Variants in ADAMTS19 observed in about 807,000 individuals in gnomAD.
ADAMTS19 encodes the protein A disintegrin and metalloproteinase with thrombospondin motifs 19.
A neutral mutation model predicts 153.3 loss-of-function variants in ADAMTS19; 93 were observed. The observed-to-expected ratio is 0.61, with a 90% confidence interval of 0.51 to 0.72. The LOEUF (loss-of-function observed/expected upper bound fraction) is 0.72, where lower values mean the gene tolerates loss of function less well. Among genes scored for constraint, ADAMTS19 ranks in the 30% least tolerant of loss-of-function variants. The pLI is 0.00. For missense variants in ADAMTS19, 1,482 were observed against 1,552.1 expected (o/e 0.95, Z 0.76); for synonymous variants, 600 against 556.6 (o/e 1.08, Z -1.10).
chr5:129,726,859 T>G (rs1757231322), intron 21 of ADAMTS19, among the ~76,000 whole-genome samples: 1 of 152,172 alleles, frequency 6.6e-6, no homozygotes, highest in Admixed American at 6.6e-5. Flanking sequence ...TTTTCCATAG[T>G]ACCTGTTAAC....
Position 129,684,262 on chromosome 5 carries a change from C to G in ADAMTS19, c.2807C>G (p.Thr936Ser). Residue 936 changes from threonine (T) to serine (S), a missense_variant, in exon 18 of 23, where the codon ACT becomes AGT. By Grantham distance (58) the Thr-to-Ser change is moderately conservative. Transcript: ENST00000274487. Reference sequence around the variant, plus strand: ...ACAAGCTGGGAAGATTGCGATGCCACTTGTGGAGGAGGTGAAGGATTTTTA... The same window carrying G: ...ACAAGCTGGGAAGATTGCGATGCCAGTTGTGGAGGAGGTGAAGGATTTTTA... ...THTSWEDCDA[T>S]CGGGERKTTV... 1.9e-6 allele frequency: 3 copies of G among 1,613,980 alleles called. No individual in the cohort carries two copies. The highest frequency in any genetic ancestry group is 2.5e-6 in the Non-Finnish European group (3 of 1,179,984).
intron 7 of ADAMTS19, among the ~76,000 whole-genome samples, chr5:129,562,627 C>T (rs966863722): frequency 1.3e-5 from 2 of 151,816 alleles, no homozygotes; most frequent in African/African-American, 4.8e-5. Flanking sequence ...TCAGTGTTTA[C>T]GTGTGTGTGT....
intron 7 of ADAMTS19, among the ~76,000 whole-genome samples, chr5:129,553,474 A>G (rs1190217991): frequency 6.6e-6 from 1 of 152,190 alleles, no homozygotes; most frequent in Non-Finnish European, 1.5e-5. Flanking sequence ...TGATAATCAG[A>G]GTATGTAAGA....
chr5:129,585,263 A>T (rs1435905890), intron 7 of ADAMTS19, among the ~76,000 whole-genome samples: 1 of 151,596 alleles, frequency 6.6e-6, no homozygotes, highest in Non-Finnish European at 1.5e-5. Context: ...TGAGCCGGGT[A>T]ACTCAGTTGG....
intron 8 of ADAMTS19, among the ~76,000 whole-genome samples, chr5:129,598,234 T>C (rs989613525): frequency 5.9e-5 from 9 of 152,170 alleles, no homozygotes; most frequent in African/African-American, 2.2e-4. Flanking sequence ...CTAGGAGCTG[T>C]GTAGGATCTG....
Position 129,702,971 on chromosome 5 carries a change from T to TATATATATATATATATATAC in ADAMTS19, c.3160-1267_3160-1266insTATATATATATATATATACA, listed in dbSNP as rs1389589629. ...ATATATATATATATATATATATATA[T>TATATATATATATATATATAC]ACAAATACATATATATATGTATTAA... On this transcript the variant is annotated intron_variant, in intron 20 of 22. Transcript: ENST00000274487. Among the ~76,000 whole-genome samples the TATATATATATATATATATAC allele has an allele frequency of 2.1e-3, 272 of 129,590 alleles. 1 individual carries two copies. The highest frequency in any genetic ancestry group is 3.4e-3 in the Non-Finnish European group (218 of 64,176). The allele number at this position is 129,590 out of a possible 152,430, so 85.0% of individuals were successfully genotyped here. A position where few individuals can be genotyped will look rare whatever the true frequency, so the allele number is the denominator to read the frequency against.
At chr5:129,481,808 G>A (rs928884012) in intron 2 of ADAMTS19, among the ~76,000 whole-genome samples, 1 of 152,116 alleles carries the variant, frequency 6.6e-6, no homozygotes, top group African/African-American at 2.4e-5. Flanking sequence ...TTTCATGGAG[G>A]TCTTTATACA....
At chr5:129,486,120 C>T (rs1476414373) in intron 2 of ADAMTS19, among the ~76,000 whole-genome samples, 3 of 152,062 alleles carry the variant, frequency 2.0e-5, no homozygotes, top group Non-Finnish European at 2.9e-5. Context: ...AAAATTTCTC[C>T]CACACAGAAC....
intron 2 of ADAMTS19, among the ~76,000 whole-genome samples, chr5:129,501,259 A>G (rs891250300): frequency 2.6e-5 from 4 of 152,178 alleles, no homozygotes; most frequent in Non-Finnish European, 4.4e-5. Flanking sequence ...CAAGTCTGCC[A>G]TGGGAGAATT....
chr5:129,647,858 A>C lies in ADAMTS19; in HGVS notation c.1966A>C (p.Ser656Arg). ...SLWSPCSRTC[S>R]AGISSRERKC... is the part of the protein sequence containing the mutation. Reference sequence around the variant, plus strand: ...GTGGAGTCCTTGTAGCCGAACCTGCAGTGCTGGGATCAGCAGTCGAGAGCG... The same window carrying C: ...GTGGAGTCCTTGTAGCCGAACCTGCCGTGCTGGGATCAGCAGTCGAGAGCG... Residue 656 changes from serine (S) to arginine (R), a missense_variant, in exon 12 of 23, where the codon AGT (serine) becomes CGT (arginine). Physicochemically the swap from Ser to Arg is moderately radical, Grantham distance 110. Around this residue, in one of 2 missense-constraint regions of ADAMTS19, gnomAD observed 616 missense variants for 724.4 expected, o/e 0.85. Transcript: ENST00000274487. 6.2e-7 allele frequency: 1 copy of C among 1,614,098 alleles called. No individual in the cohort carries two copies. Among genetic ancestry groups the C allele is most frequent in the South Asian group, 1.1e-5 (1 of 91,082 alleles).
chr5:129,737,394 T>C lies in ADAMTS19; in HGVS notation c.*176T>C. The C allele has an allele frequency of 3.9e-6, 2 of 510,648 alleles. No homozygotes were observed. The highest frequency in any genetic ancestry group is 4.8e-5 in the South Asian group (1 of 21,004). 31.6% of individuals were successfully genotyped at this position (510,648 alleles called of 1,614,324 possible). A position where few individuals can be genotyped will look rare whatever the true frequency, so the allele number is the denominator to read the frequency against. On this transcript the variant is annotated 3_prime_UTR_variant, in exon 23 of 23. Transcript: ENST00000274487. ...GCTTGTTTTGGTTACACAAACATTT[T>C]GATTTATACTATATGGCTTCATAAA... is the stretch of plus-strand genomic sequence containing the variant.
chr5:129,582,601 C>G (rs890989798), intron 7 of ADAMTS19, among the ~76,000 whole-genome samples: 3 of 152,076 alleles, frequency 2.0e-5, no homozygotes, highest in Non-Finnish European at 2.9e-5. Context: ...GAGACGGAGT[C>G]TCACTCTGTT....
intron 7 of ADAMTS19, among the ~76,000 whole-genome samples, chr5:129,573,998 T>G (rs544998824): frequency 1.6e-4 from 25 of 152,166 alleles, no homozygotes; most frequent in Non-Finnish European, 3.2e-4. Flanking sequence ...CATCACACAT[T>G]TACCCAATGT....
chr5:129,539,886 G>A (rs1212769506), intron 6 of ADAMTS19, among the ~76,000 whole-genome samples: 1 of 151,882 alleles, frequency 6.6e-6, no homozygotes, highest in Non-Finnish European at 1.5e-5. Context: ...CTCCATATTT[G>A]TTTCCAGTGC....
At chr5:129,604,734 T>C (rs1385715720) in intron 8 of ADAMTS19, among the ~76,000 whole-genome samples, 1 of 152,190 alleles carries the variant, frequency 6.6e-6, no homozygotes. Context: ...GGTTTAGAAT[T>C]TTTTTTGATA....
intron 15 of ADAMTS19, 125 bp downstream of exon 15, chr5:129,658,862 T>G: frequency 9.3e-7 from 1 of 1,072,990 alleles, no homozygotes; most frequent in Non-Finnish European, 1.3e-6. Context: ...GGTATTAAAT[T>G]ATTTTTGTGA....
At chr5:129,561,282 T>G (rs1214833745) in intron 7 of ADAMTS19, among the ~76,000 whole-genome samples, 1 of 152,142 alleles carries the variant, frequency 6.6e-6, no homozygotes, top group Non-Finnish European at 1.5e-5. Flanking sequence ...TTGACCTGTA[T>G]GAGGAAAATG....
At position 129,630,508 on chromosome 5, in the gene ADAMTS19, G is replaced by T. The variant is rs1336106539; in HGVS notation, c.1770+8160G>T. Among the ~76,000 whole-genome samples the T allele has an allele frequency of 2.0e-5, 3 of 151,868 alleles. No homozygotes were observed. The East Asian group carries it at 5.8e-4, about 29-fold the overall frequency. On this transcript the variant is annotated intron_variant, in intron 10 of 22. Transcript: ENST00000274487. ...ACAAAAGTAACAAGGCAGTTGAATG[G>T]GTAAATAAAAGCTTTTCAACAAATT...
chr5:129,553,868 T>C (rs550193383), intron 7 of ADAMTS19, among the ~76,000 whole-genome samples: 2 of 152,314 alleles, frequency 1.3e-5, no homozygotes, highest in African/African-American at 2.4e-5. Context: ...CCTATGCCTA[T>C]GTCTGGAGTC....
Sources: allele counts gnomAD v4.1 joint callset (sites outside exome capture counted in the v4.1 genomes callset), GRCh38; gene constraint gnomAD v4.1.1; regional missense constraint gnomAD v4.1.1; transcripts MANE v1.5; gene names NCBI Gene and HGNC (gene_info 2026-07-23, HGNC 2026-07-21).